Variants in KIAA1217 observed in about 807,000 individuals in gnomAD.
The protein encoded by KIAA1217 is sickle tail protein homolog.
In KIAA1217, 88 loss-of-function variants were observed where a neutral mutation model predicts 163.9. The observed-to-expected ratio is 0.54, with a 90% CI of 0.45 to 0.64. The LOEUF is 0.64. KIAA1217 is among the 30% of genes least tolerant of loss of function. The pLI is 0.00. For missense variants in KIAA1217, 2,372 were observed against 2,475.0 expected, an observed-to-expected ratio of 0.96 and a Z score of 0.88; for synonymous variants, 903 against 923.1, an observed-to-expected ratio of 0.98 and a Z score of 0.39.
At chr10:24,463,347 T>C (rs939642254) in intron 5 of KIAA1217, among the ~76,000 whole-genome samples, 6 of 152,254 alleles carry the variant, frequency 3.9e-5, no homozygotes, top group Non-Finnish European at 8.8e-5. Flanking sequence ...AAAAGATTTA[T>C]AGAAATAACG....
At chr10:24,048,799 G>A (rs1255631055) in intron 2 of KIAA1217, among the ~76,000 whole-genome samples, 5 of 151,332 alleles carry the variant, frequency 3.3e-5, no homozygotes, top group South Asian at 2.1e-4. Context: ...TTGGGCGGCC[G>A]AGGCGGGTGG....
At position 24,026,936 on chromosome 10, in the gene KIAA1217, A is replaced by T. The variant is rs1694657166; in HGVS notation, c.-171+19562A>T. Among the ~76,000 whole-genome samples, 3 of 151,468 alleles carry T rather than the reference A, an allele frequency of 2.0e-5. No homozygotes were observed. The South Asian group carries it at 6.2e-4, about 32-fold the overall frequency. On this transcript the variant is annotated intron_variant, in intron 2 of 18. Coordinates refer to the KIAA1217 transcript ENST00000376462. ...CCTTTAAGCATGCTTTAGTAACATC[A>T]CTCAGATTTTTATGTCATTCTAATT...
chr10:23,835,299 G>GA (rs1838391114), intron 1 of KIAA1217, among the ~76,000 whole-genome samples: 1 of 151,886 alleles, frequency 6.6e-6, no homozygotes, highest in African/African-American at 2.4e-5. Flanking sequence ...GCTAATAGTA[G>GA]AAAAAAGAAT....
chr10:24,187,915 A>G (rs2066519414), intron 2 of KIAA1217, among the ~76,000 whole-genome samples: 1 of 149,586 alleles, frequency 6.7e-6, no homozygotes, highest in Admixed American at 6.7e-5. Context: ...AAAAGGCAAT[A>G]GGCCGGGTGC....
At chr10:23,980,882 G>T (rs1177824708) in intron 1 of KIAA1217, among the ~76,000 whole-genome samples, 5 of 152,084 alleles carry the variant, frequency 3.3e-5, no homozygotes, top group Non-Finnish European at 4.4e-5. Flanking sequence ...TTCTCGTATG[G>T]TTAATGCCTT....
At chr10:24,407,324 C>A (rs1192379620) in intron 3 of KIAA1217, among the ~76,000 whole-genome samples, 1 of 152,068 alleles carries the variant, frequency 6.6e-6, no homozygotes, top group African/African-American at 2.4e-5. Context: ...GATGAAGTCT[C>A]ACTCTGTTGC....
intron 1 of KIAA1217, among the ~76,000 whole-genome samples, chr10:24,213,352 G>A (rs1475059097): frequency 6.6e-6 from 1 of 152,088 alleles, no homozygotes. Context: ...TGGTTCCTAA[G>A]GTCTTGAAAC....
At chr10:24,035,676 G>T (rs1398119198) in intron 2 of KIAA1217, among the ~76,000 whole-genome samples, 1 of 152,132 alleles carries the variant, frequency 6.6e-6, no homozygotes, top group East Asian at 1.9e-4. Context: ...ATGAGGCAGG[G>T]TATTCCCTTA....
At position 24,494,606 on chromosome 10, in the gene KIAA1217, T is replaced by TA. The variant is rs1446459328; in HGVS notation, c.1784+8dup. 1.0e-5 allele frequency: 16 copies of TA among 1,583,836 alleles called. No homozygotes were observed. The South Asian group carries it at 1.1e-4, about 11-fold the overall frequency. ...AAGTTATAGCAAAGATGCGTCTAGG[T>TA]AAAAAAGAAGAAAGCCAATGAAAAA... On this transcript the variant is annotated splice_region_variant and intron_variant, in intron 7 of 20. Transcript: ENST00000376454.
chr10:24,540,871 C>G (rs913957680), intron 17 of KIAA1217, among the ~76,000 whole-genome samples: 2 of 152,072 alleles, frequency 1.3e-5, no homozygotes, highest in African/African-American at 4.8e-5. Context: ...CAGGTTCAAG[C>G]GATTCTCCTG....
chr10:24,261,513 A>AG (rs2075724616), intron 2 of KIAA1217, among the ~76,000 whole-genome samples: 1 of 151,400 alleles, frequency 6.6e-6, no homozygotes, highest in Non-Finnish European at 1.5e-5. Flanking sequence ...AAAAAAAAAA[A>AG]AGCATTTAAT....
At chr10:23,942,963 A>C (rs889948403) in intron 1 of KIAA1217, among the ~76,000 whole-genome samples, 6 of 149,422 alleles carry the variant, frequency 4.0e-5, no homozygotes, top group African/African-American at 1.3e-4. Context: ...AAAAAAAAAA[A>C]CTAAAAAAAT....
chr10:23,963,582 G>A (rs1844917212), intron 1 of KIAA1217, among the ~76,000 whole-genome samples: 1 of 152,172 alleles, frequency 6.6e-6, no homozygotes, highest in African/African-American at 2.4e-5. Context: ...ACATAGAGGT[G>A]CATGCATCTT....
rs1183009109 is a variant in KIAA1217, at chr10:23,934,625, A to ATTTTTTTTTTT, written c.-320-72590_-320-72589insTTTTTTTTTTT. On this transcript the variant is annotated intron_variant, in intron 1 of 18. Transcript: ENST00000376462. ...TATATATGTATATATATATATATAT[A>ATTTTTTTTTTT]TTTTTTTTTTGAGACGGAGTCTCGC... Among the ~76,000 whole-genome samples, 111 of 68,494 alleles carry ATTTTTTTTTTT rather than the reference A, an allele frequency of 1.6e-3. 2 individuals carry two copies. Among genetic ancestry groups the ATTTTTTTTTTT allele is most frequent in the African/African-American group, 2.1e-3 (23 of 10,842 alleles). The allele number at this position is 68,494 out of a possible 152,430, so 44.9% of individuals were successfully genotyped here.
intron 1 of KIAA1217, among the ~76,000 whole-genome samples, chr10:23,853,864 C>G (rs1839497780): frequency 6.6e-6 from 1 of 151,926 alleles, no homozygotes; most frequent in Admixed American, 6.6e-5. Context: ...GGTGATATCC[C>G]CTTTATCATT....
intron 2 of KIAA1217, among the ~76,000 whole-genome samples, chr10:24,065,602 C>G (rs1482987233): frequency 6.6e-6 from 1 of 152,020 alleles, no homozygotes; most frequent in Admixed American, 6.6e-5. Context: ...GTGGTGCTGA[C>G]AAGAATGTAT....
intron 6 of KIAA1217, among the ~76,000 whole-genome samples, chr10:24,484,062 G>A (rs917494839): frequency 2.0e-5 from 3 of 151,488 alleles, no homozygotes; most frequent in South Asian, 2.1e-4. Context: ...AGTGTCTTTT[G>A]TCCTAATAAG....
At chr10:24,085,081 T>C (rs1391246231) in intron 2 of KIAA1217, among the ~76,000 whole-genome samples, 2 of 151,798 alleles carry the variant, frequency 1.3e-5, no homozygotes, top group Non-Finnish European at 2.9e-5. Flanking sequence ...GCTCGGCTAA[T>C]TTTTTTGTAT....
At chr10:24,518,534 G>C (rs951007196) in intron 10 of KIAA1217, among the ~76,000 whole-genome samples, 2 of 152,158 alleles carry the variant, frequency 1.3e-5, no homozygotes, top group Non-Finnish European at 2.9e-5. Context: ...TATTAATTAC[G>C]CACTGACAGA....
Sources: gnomAD v4.1 joint callset for allele counts (sites outside exome capture counted in the v4.1 genomes callset) on GRCh38, gnomAD v4.1.1 for gene constraint, MANE v1.5 for transcripts, NCBI Gene and HGNC (gene_info 2026-07-23, HGNC 2026-07-21) for gene names.